ENTREP2: variants seen among roughly 807,000 people sequenced by gnomAD.
ENTREP2 encodes the protein endosomal transmembrane epsin interactor 2.
the ENTREP2 span, chr15:29,269,483 G>C: frequency 6.2e-7 from 1 of 1,610,766 alleles, no homozygotes; most frequent in Non-Finnish European, 8.5e-7. Flanking sequence ...CCCACGGCGG[G>C]GGCGGCCTGG....
chr15:29,503,498 C>A, the ENTREP2 span, among the ~76,000 whole-genome samples: 1 of 151,056 alleles, frequency 6.6e-6, no homozygotes, highest in Admixed American at 6.6e-5. Context: ...TGGAAATGTT[C>A]CGGAATTACG....
chr15:29,456,939 T>C, the ENTREP2 span, among the ~76,000 whole-genome samples: 1 of 152,218 alleles, frequency 6.6e-6, no homozygotes, highest in East Asian at 1.9e-4. Flanking sequence ...GCCAATCTGA[T>C]GGAAGATCTT....
the ENTREP2 span, among the ~76,000 whole-genome samples, chr15:29,654,886 C>A: frequency 6.7e-6 from 1 of 149,008 alleles, no homozygotes; most frequent in African/African-American, 2.6e-5. Context: ...GACAAGCCAA[C>A]AGGTTGTCCA....
chr15:29,197,377 A>G, the ENTREP2 span, among the ~76,000 whole-genome samples: 2 of 152,196 alleles, frequency 1.3e-5, no homozygotes, highest in Non-Finnish European at 2.9e-5. Flanking sequence ...GCTTGAGCCT[A>G]GGAGTTTGAG....
the ENTREP2 span, chr15:29,570,061 C>G: frequency 2.1e-5 from 3 of 139,906 alleles, no homozygotes; most frequent in Non-Finnish European, 3.1e-5. Context: ...ACCCCCCACC[C>G]CCACCGCCCC....
the ENTREP2 span, among the ~76,000 whole-genome samples, chr15:29,457,280 G>T: frequency 6.6e-6 from 1 of 152,214 alleles, no homozygotes; most frequent in Non-Finnish European, 1.5e-5. Flanking sequence ...GAGCAGGCAT[G>T]GGCCAGCTAA....
At chr15:29,481,885 G>C in the ENTREP2 span, among the ~76,000 whole-genome samples, 1 of 152,174 alleles carries the variant, frequency 6.6e-6, no homozygotes, top group Non-Finnish European at 1.5e-5. Flanking sequence ...ATTTAGGGCA[G>C]ATTTTGGTTC....
the ENTREP2 span, among the ~76,000 whole-genome samples, chr15:29,125,917 C>A: frequency 1.3e-5 from 2 of 152,192 alleles, no homozygotes; most frequent in African/African-American, 2.4e-5. Context: ...GCTGATGACA[C>A]CCCCATGCCC....
the ENTREP2 span, among the ~76,000 whole-genome samples, chr15:29,284,030 G>A: frequency 6.6e-6 from 1 of 152,150 alleles, no homozygotes; most frequent in African/African-American, 2.4e-5. Context: ...AAGATATGGA[G>A]GGTGGATGCA....
At chr15:29,549,168 G>A in the ENTREP2 span, among the ~76,000 whole-genome samples, 7 of 151,960 alleles carry the variant, frequency 4.6e-5, no homozygotes, top group African/African-American at 1.5e-4. Context: ...TTTAGACCAC[G>A]TTGCAGCCCT....
At chr15:29,379,170 C>T in the ENTREP2 span, among the ~76,000 whole-genome samples, 1 of 152,224 alleles carries the variant, frequency 6.6e-6, no homozygotes, top group Non-Finnish European at 1.5e-5. Flanking sequence ...ACAGGCTCTC[C>T]TGAATGGCTT....
chr15:29,357,740 G>A, the ENTREP2 span, among the ~76,000 whole-genome samples: 29 of 152,074 alleles, frequency 1.9e-4, no homozygotes, highest in Non-Finnish European at 3.1e-4. Context: ...TCGGGAGGCT[G>A]AGGCAGGAGA....
At chr15:29,424,817 G>A in the ENTREP2 span, among the ~76,000 whole-genome samples, 5 of 152,116 alleles carry the variant, frequency 3.3e-5, no homozygotes, top group South Asian at 4.2e-4. Flanking sequence ...CAAAATCCTC[G>A]CCAGTGTCTC....
At chr15:29,154,418 C>A in the ENTREP2 span, among the ~76,000 whole-genome samples, 1 of 151,650 alleles carries the variant, frequency 6.6e-6, no homozygotes, top group Non-Finnish European at 1.5e-5. Flanking sequence ...TGCAATATAG[C>A]CTTCATTGAG....
chr15:29,645,177 C>T, the ENTREP2 span, among the ~76,000 whole-genome samples: 2 of 152,158 alleles, frequency 1.3e-5, no homozygotes, highest in African/African-American at 2.4e-5. Flanking sequence ...GAAAAGAAAT[C>T]CATGGCCCTC....
the ENTREP2 span, among the ~76,000 whole-genome samples, chr15:29,306,392 C>T: frequency 5.3e-4 from 80 of 152,178 alleles, 1 homozygote; most frequent in Middle Eastern, 3.4e-3. Context: ...AATAGCCATC[C>T]TATAATTCCA....
the ENTREP2 span, among the ~76,000 whole-genome samples, chr15:29,519,541 T>C: frequency 6.6e-6 from 1 of 152,258 alleles, no homozygotes. Flanking sequence ...ATGATTTTCC[T>C]ATTAACATTT....
chr15:29,264,319 GATA>G, the ENTREP2 span, among the ~76,000 whole-genome samples: 2 of 152,026 alleles, frequency 1.3e-5, no homozygotes, highest in African/African-American at 2.4e-5. Context: ...TAAAAGATTA[GATA>G]ATAAGTTAAT....
chr15:29,580,148 G>A, the ENTREP2 span, among the ~76,000 whole-genome samples: 1 of 152,032 alleles, frequency 6.6e-6, no homozygotes, highest in Non-Finnish European at 1.5e-5. Flanking sequence ...CGCCTAGCCT[G>A]GCCTTTGGTT....
Sources: allele counts gnomAD v4.1 joint callset (sites outside exome capture counted in the v4.1 genomes callset), GRCh38; gene constraint gnomAD v4.1.1; transcripts MANE v1.5; gene names NCBI Gene and HGNC (gene_info 2026-07-23, HGNC 2026-07-21).